Variants in SPOCK1 observed in about 807,000 individuals in gnomAD.
SPOCK1 encodes the protein SPARC (osteonectin), cwcv and kazal like domains proteoglycan 1.
Under a neutral mutation model 55.3 loss-of-function variants are expected in SPOCK1, and 23 were observed. The observed-to-expected ratio is 0.42, with a 90% CI of 0.30 to 0.59. The LOEUF (loss-of-function observed/expected upper bound fraction) is 0.59, where lower values mean the gene tolerates loss of function less well. Among genes scored for constraint, SPOCK1 ranks in the 20% least tolerant of loss-of-function variants. The pLI is 0.22. For synonymous variants in SPOCK1, 226 were observed against 221.0 expected (o/e 1.02, Z -0.20); for missense variants, 499 against 552.5 (o/e 0.90, Z 0.97).
At chr5:137,004,942 G>T (rs1751216443) in intron 6 of SPOCK1, among the ~76,000 whole-genome samples, 1 of 152,184 alleles carries the variant, frequency 6.6e-6, no homozygotes, top group Admixed American at 6.5e-5. Context: ...AAGCTGCACA[G>T]GAAAGTAAAA....
intron 8 of SPOCK1, 111 bp downstream of exon 8, chr5:136,988,308 AATT>A: frequency 1.3e-6 from 1 of 779,358 alleles, no homozygotes; most frequent in Non-Finnish European, 2.1e-6. Context: ...AAATGGAATG[AATT>A]ATTTATTCTC....
chr5:137,437,881 GA>G (rs1752897540), intron 2 of SPOCK1, among the ~76,000 whole-genome samples: 1 of 152,108 alleles, frequency 6.6e-6, no homozygotes, highest in South Asian at 2.1e-4. Context: ...TTGAGAAACT[GA>G]AATTTATACC....
In SPOCK1 at chr5:136,999,436, G is replaced by A. The variant is rs150030191; in HGVS notation, c.590-6836C>T. On this transcript the variant is annotated intron_variant, in intron 6 of 10. Coordinates refer to ENST00000394945, the MANE Select transcript of SPOCK1 (RefSeq NM_004598.4). ...CTCCCTCAGACAAAACCAGGGGCTA[G>A]TGAAGAGCTGGTGAGGAAGTTTCAA... is the stretch of plus-strand genomic sequence containing the variant. Among the ~76,000 whole-genome samples, 521 of 152,248 alleles carry A rather than the reference G, an allele frequency of 3.4e-3. 1 individual carries two copies. Among genetic ancestry groups the A allele is most frequent in the African/African-American group, 0.012 (504 of 41,540 alleles).
intron 2 of SPOCK1, among the ~76,000 whole-genome samples, chr5:137,487,694 G>A (rs908595938): frequency 1.3e-5 from 2 of 152,182 alleles, no homozygotes; most frequent in African/African-American, 4.8e-5. Flanking sequence ...AATATGCTGA[G>A]ATGATCCCCT....
chr5:137,223,098 T>G lies in SPOCK1; in HGVS notation c.232+43912A>C, dbSNP rs185143830. 7.0e-3 allele frequency among the ~76,000 whole-genome samples: 1,058 copies of G among 151,982 alleles called. 18 individuals are homozygous for G. Among genetic ancestry groups the G allele is most frequent in the Admixed American group, 0.028 (424 of 15,260 alleles). On this transcript the variant is annotated intron_variant, in intron 3 of 10. Transcript: ENST00000394945. Reference sequence around the variant, plus strand: ...GTGACATACAGATGATAAACAAGTATCCATGCTATGGCAAAAATAAAGCAG... The same window carrying G: ...GTGACATACAGATGATAAACAAGTAGCCATGCTATGGCAAAAATAAAGCAG...
intron 6 of SPOCK1, among the ~76,000 whole-genome samples, chr5:137,062,766 G>T (rs892571563): frequency 1.3e-5 from 2 of 151,906 alleles, no homozygotes; most frequent in East Asian, 1.9e-4. Context: ...CCAGCCCAAC[G>T]CAGAGATTTC....
intron 3 of SPOCK1, among the ~76,000 whole-genome samples, chr5:137,177,683 C>T (rs748142321): frequency 6.6e-6 from 1 of 152,028 alleles, no homozygotes. Flanking sequence ...AGTATTCCTC[C>T]GCAAAAATGC....
At chr5:137,241,232 G>A (rs1341674544) in intron 3 of SPOCK1, among the ~76,000 whole-genome samples, 1 of 152,110 alleles carries the variant, frequency 6.6e-6, no homozygotes, top group African/African-American at 2.4e-5. Flanking sequence ...AAAATTCGAG[G>A]TTAATAAATA....
chr5:137,449,855 C>A (rs1464533494), intron 2 of SPOCK1, among the ~76,000 whole-genome samples: 1 of 122,746 alleles, frequency 8.1e-6, no homozygotes, highest in African/African-American at 3.2e-5. Context: ...CCACTGCACT[C>A]TGGCCTGGGC....
At chr5:137,316,181 G>C (rs1580863175) in intron 2 of SPOCK1, among the ~76,000 whole-genome samples, 1 of 152,194 alleles carries the variant, frequency 6.6e-6, no homozygotes, top group South Asian at 2.1e-4. Context: ...CATGGTGGAA[G>C]GACGAGAGCC....
At chr5:137,254,350 G>A (rs1482008011) in intron 3 of SPOCK1, among the ~76,000 whole-genome samples, 1 of 152,032 alleles carries the variant, frequency 6.6e-6, no homozygotes, top group Non-Finnish European at 1.5e-5. Context: ...CTGTATGTAC[G>A]CACTGTGGTA....
At chr5:137,203,479 A>G (rs1755463041) in intron 3 of SPOCK1, among the ~76,000 whole-genome samples, 1 of 152,124 alleles carries the variant, frequency 6.6e-6, no homozygotes, top group Non-Finnish European at 1.5e-5. Context: ...AGGCCTAAGC[A>G]GCTTATCATT....
At chr5:137,214,696 T>C (rs1755681433) in intron 3 of SPOCK1, among the ~76,000 whole-genome samples, 1 of 151,982 alleles carries the variant, frequency 6.6e-6, no homozygotes, top group African/African-American at 2.4e-5. Context: ...AGGATACAAA[T>C]GAGAAGAGAT....
At chr5:137,193,644 A>T (rs1484759439) in intron 3 of SPOCK1, among the ~76,000 whole-genome samples, 2 of 152,202 alleles carry the variant, frequency 1.3e-5, no homozygotes, top group Non-Finnish European at 1.5e-5. Flanking sequence ...TAAAGAAGGG[A>T]TGGAAAGGGT....
At chr5:137,000,781 T>G (rs894139459) in intron 6 of SPOCK1, among the ~76,000 whole-genome samples, 1 of 152,158 alleles carries the variant, frequency 6.6e-6, no homozygotes, top group African/African-American at 2.4e-5. Flanking sequence ...TGGTGGCTCA[T>G]GCCTGTAATC....
chr5:137,021,225 A>T (rs1213554483), intron 6 of SPOCK1, among the ~76,000 whole-genome samples: 1 of 152,206 alleles, frequency 6.6e-6, no homozygotes, highest in East Asian at 1.9e-4. Flanking sequence ...ATTTAGCTAC[A>T]TGCAGCAGCA....
intron 2 of SPOCK1, among the ~76,000 whole-genome samples, chr5:137,442,226 A>G (rs1753029715): frequency 6.6e-6 from 1 of 152,192 alleles, no homozygotes; most frequent in African/African-American, 2.4e-5. Context: ...TTACTTTTTA[A>G]ACAGTCATGC....
At chr5:137,376,076 C>T (rs916744741) in intron 2 of SPOCK1, among the ~76,000 whole-genome samples, 12 of 152,224 alleles carry the variant, frequency 7.9e-5, no homozygotes, top group African/African-American at 2.9e-4. Flanking sequence ...AATGGGCATA[C>T]ATGACAAAAG....
intron 3 of SPOCK1, among the ~76,000 whole-genome samples, chr5:137,222,869 C>T (rs1755880617): frequency 6.6e-6 from 1 of 152,132 alleles, no homozygotes; most frequent in Non-Finnish European, 1.5e-5. Context: ...TCTTACACTT[C>T]TTTTTACATA....
Sources: gnomAD v4.1 joint callset for allele counts (sites outside exome capture counted in the v4.1 genomes callset) on GRCh38, gnomAD v4.1.1 for gene constraint, MANE v1.5 for transcripts, NCBI Gene and HGNC (gene_info 2026-07-23, HGNC 2026-07-21) for gene names.